Variants in KCNS3 observed in about 807,000 individuals in gnomAD.
The protein encoded by KCNS3 is potassium voltage-gated channel modifier subfamily S member 3.
KCNS3 carries 13 observed loss-of-function variants against 31.0 expected under a neutral mutation model. The ratio of observed to expected loss-of-function variants is 0.42; its 90% CI spans 0.27 to 0.67. The LOEUF (loss-of-function observed/expected upper bound fraction) is 0.67, where lower values mean the gene tolerates loss of function less well. Ranked by LOEUF, KCNS3 falls within the 30% of genes least tolerant of loss-of-function variation. KCNS3 has a pLI of 0.25. For missense variants in KCNS3, 545 were observed against 622.4 expected (o/e 0.88, Z 1.32); for synonymous variants, 238 against 241.5 (o/e 0.99, Z 0.13).
rs375081273 is a variant in KCNS3, at chr2:17,931,779, C to T, written c.771C>T (p.Ile257=). The change falls in exon 3 of 3, where the codon ATC becomes ATT. Residue 257 remains isoleucine (I), a synonymous_variant. Transcript: ENST00000304101. This position sits in a 1 kb window ranked among gnomAD's most constrained non-coding sequence, Gnocchi z 5.4. ...QKKFWKNPLN[I]IDFVSIIPFY... ...AATTCTGGAAAAACCCTCTGAACAT[C>T]ATTGACTTTGTCTCTATTATTCCCT... 6.2e-6 allele frequency: 10 copies of T among 1,614,016 alleles called. No individual in the cohort carries two copies. The Middle Eastern group carries it at 4.9e-4, about 80-fold the overall frequency.
chr2:17,931,324 TG>T lies in KCNS3; in HGVS notation c.320del (p.Gly107AlafsTer34). ...VFSFCQEIEY[W>X]GINELFIDSC... ...CTCATTCTGCCAGGAGATCGAGTAC[TG>T]GGGCATCAACGAGCTCTTCATTGAT... On this transcript the variant is annotated frameshift_variant, in exon 3 of 3. Coordinates refer to ENST00000304101, the MANE Select transcript of KCNS3 (RefSeq NM_002252.5). LOFTEE classifies it high-confidence loss of function. The surrounding 1 kb of genome is among the most constrained non-coding windows in gnomAD (Gnocchi z 5.4). The T allele has an allele frequency of 3.1e-6, 5 of 1,614,160 alleles. No homozygotes were observed. Among genetic ancestry groups the T allele is most frequent in the Non-Finnish European group, 4.2e-6 (5 of 1,180,034 alleles).
chr2:17,923,165 C>T (rs935686604), intron 2 of KCNS3, among the ~76,000 whole-genome samples: 19 of 152,144 alleles, frequency 1.2e-4, no homozygotes, highest in African/African-American at 4.1e-4. Context: ...AGCCATCATA[C>T]TGGTATGAAG....
intron 2 of KCNS3, among the ~76,000 whole-genome samples, chr2:17,922,031 G>A (rs1270326378): frequency 6.8e-6 from 1 of 148,072 alleles, no homozygotes; most frequent in Non-Finnish European, 1.5e-5. Context: ...CACTGGCTTT[G>A]TTTGATATGC....
At chr2:17,910,325 A>T (rs1662441450) in intron 1 of KCNS3, among the ~76,000 whole-genome samples, 1 of 152,222 alleles carries the variant, frequency 6.6e-6, no homozygotes, top group Admixed American at 6.5e-5. Flanking sequence ...CTGCTAATAC[A>T]CACTACCCTG....
At chr2:17,930,562 C>G (rs1412879540) in intron 2 of KCNS3, among the ~76,000 whole-genome samples, 1 of 152,072 alleles carries the variant, frequency 6.6e-6, no homozygotes, top group Non-Finnish European at 1.5e-5. Flanking sequence ...TTGAGTTTTC[C>G]CAAACATGAA....
chr2:17,899,774 T>A (rs1274831076), intron 1 of KCNS3, among the ~76,000 whole-genome samples: 1 of 152,246 alleles, frequency 6.6e-6, no homozygotes, highest in Non-Finnish European at 1.5e-5. Context: ...ACATACATAC[T>A]TTATAGAGAT....
At chr2:17,927,644 A>G (rs1207190005) in intron 2 of KCNS3, among the ~76,000 whole-genome samples, 1 of 152,150 alleles carries the variant, frequency 6.6e-6, no homozygotes, top group Non-Finnish European at 1.5e-5. Context: ...TAATAAAACC[A>G]TCAAATCTTG....
chr2:17,911,588 C>A (rs1321694814), intron 1 of KCNS3, among the ~76,000 whole-genome samples: 1 of 152,112 alleles, frequency 6.6e-6, no homozygotes, highest in African/African-American at 2.4e-5. Context: ...AAAATCACTC[C>A]AAATTCCATT....
At position 17,932,427 on chromosome 2, in the gene KCNS3, T is replaced by C; in HGVS notation, c.1419T>C (p.Ile473=). Residue 473 remains isoleucine, a synonymous_variant, in exon 3 of 3, where the codon ATT becomes ATC. Transcript: ENST00000304101. The part of the protein sequence containing the change: ...SDPDSTDASS[I]EDNEDICNTT... ...CTGACTCCACAGATGCTTCAAGCAT[T>C]GAAGACAATGAGGACATTTGTAACA... is the stretch of plus-strand genomic sequence containing the variant. 1 of 1,614,068 alleles carries C rather than the reference T, an allele frequency of 6.2e-7. No homozygotes were observed. Among genetic ancestry groups the C allele is most frequent in the South Asian group, 1.1e-5 (1 of 91,036 alleles).
chr2:17,927,912 C>A (rs939394953), intron 2 of KCNS3, among the ~76,000 whole-genome samples: 4 of 152,206 alleles, frequency 2.6e-5, no homozygotes, highest in African/African-American at 7.2e-5. Flanking sequence ...CTGGACAGAA[C>A]CAATGTACAT....
chr2:17,889,642 G>A lies in KCNS3; in HGVS notation c.-252+10836G>A, dbSNP rs188412476. Among the ~76,000 whole-genome samples the A allele has an allele frequency of 9.2e-5, 14 of 152,210 alleles. No individual in the cohort carries two copies. The East Asian group carries it at 2.5e-3, about 27-fold the overall frequency. On this transcript the variant is annotated intron_variant, in intron 1 of 2. Transcript: ENST00000304101. Reference sequence around the variant, plus strand: ...GCTGAGAGTTTTAATCATAAACGATGCTGGATTTTGTCTAATGCTTTTTTT... The same window carrying A: ...GCTGAGAGTTTTAATCATAAACGATACTGGATTTTGTCTAATGCTTTTTTT...
chr2:17,915,418 C>A (rs2125247659), intron 1 of KCNS3, among the ~76,000 whole-genome samples: 1 of 152,216 alleles, frequency 6.6e-6, no homozygotes, highest in African/African-American at 2.4e-5. Flanking sequence ...ATTTTTCTTC[C>A]CCAAAGCCTA....
At chr2:17,922,935 T>A (rs544429348) in intron 2 of KCNS3, among the ~76,000 whole-genome samples, 1 of 152,322 alleles carries the variant, frequency 6.6e-6, no homozygotes, top group South Asian at 2.1e-4. Flanking sequence ...TTTGAACATA[T>A]GTTTTCAGTT....
intron 1 of KCNS3, among the ~76,000 whole-genome samples, chr2:17,897,050 C>A (rs1352414796): frequency 6.6e-6 from 1 of 151,834 alleles, no homozygotes; most frequent in East Asian, 1.9e-4. Context: ...CTTGCTACCT[C>A]CCCCATCAGT....
rs749179312 is a variant in KCNS3 at position 17,932,243 on chromosome 2, A to C, written c.1235A>C (p.Tyr412Ser). Residue 412 changes from tyrosine (Y) to serine (S), a missense_variant, in exon 3 of 3, where the codon TAC (tyrosine) becomes TCC (serine). Physicochemically the swap from Tyr to Ser is moderately radical, Grantham distance 144 (BLOSUM62 -2). Transcript: ENST00000304101. ...ITIIFNKFSK[Y>S]YQKQKDIDVD... ...ATCATCTTCAACAAGTTTTCCAAGT[A>C]CTACCAGAAGCAAAAGGACATTGAT... 6.2e-7 allele frequency: 1 copy of C among 1,613,878 alleles called. No individual in the cohort carries two copies. The highest frequency in any genetic ancestry group is 1.3e-5 in the African/African-American group (1 of 74,890).
intron 1 of KCNS3, among the ~76,000 whole-genome samples, chr2:17,893,279 C>T (rs1661902388): frequency 6.6e-6 from 1 of 152,204 alleles, no homozygotes; most frequent in Non-Finnish European, 1.5e-5. Flanking sequence ...TCCCCTCCTA[C>T]AGCCTGGAGT....
intron 1 of KCNS3, among the ~76,000 whole-genome samples, chr2:17,907,312 G>A (rs1236756371): frequency 6.6e-6 from 1 of 152,084 alleles, no homozygotes; most frequent in Non-Finnish European, 1.5e-5. Flanking sequence ...CATTTGCTTG[G>A]TAGATCTTCC....
chr2:17,888,135 G>T (rs992506886), intron 1 of KCNS3, among the ~76,000 whole-genome samples: 2 of 152,068 alleles, frequency 1.3e-5, no homozygotes, highest in African/African-American at 4.8e-5. Context: ...TGGGTTGTCT[G>T]TTTACTCTGC....
In KCNS3 at chr2:17,932,290, G is replaced by T. The variant is rs1197068445; in HGVS notation, c.1282G>T (p.Ala428Ser). Residue 428 changes from alanine to serine, a missense_variant, in exon 3 of 3, where the codon GCA becomes TCA. Ala to Ser is a moderately conservative substitution (Grantham distance 99, BLOSUM62 1). Coordinates refer to ENST00000304101, the MANE Select transcript of KCNS3 (RefSeq NM_002252.5). ...DIDVDQCSED[A>S]PEKCHELPYF... Reference sequence around the variant, plus strand: ...TGATGTGGACCAGTGCAGTGAGGATGCACCAGAGAAGTGTCATGAGCTACC... The same window carrying T: ...TGATGTGGACCAGTGCAGTGAGGATTCACCAGAGAAGTGTCATGAGCTACC... 1 of 1,613,908 alleles carries T rather than the reference G, an allele frequency of 6.2e-7. No individual in the cohort carries two copies. Among genetic ancestry groups the T allele is most frequent in the Non-Finnish European group, 8.5e-7 (1 of 1,179,814 alleles).
Sources: gnomAD v4.1 joint callset for allele counts (sites outside exome capture counted in the v4.1 genomes callset) on GRCh38, gnomAD v4.1.1 for gene constraint, Gnocchi (gnomAD v3.1) non-coding constraint, MANE v1.5 for transcripts, NCBI Gene and HGNC (gene_info 2026-07-23, HGNC 2026-07-21) for gene names.